NFIB: variants seen among roughly 807,000 people sequenced by gnomAD.
NFIB encodes nuclear factor I B.
Under a neutral mutation model 61.5 loss-of-function variants are expected in NFIB, and 11 were observed. The observed-to-expected ratio is 0.18, with a 90% CI of 0.11 to 0.30. NFIB has a LOEUF of 0.30. Among genes scored for constraint, NFIB ranks in the 10% least tolerant of loss-of-function variants. The probability of loss-of-function intolerance (pLI) is 1.00; values close to 1 mark genes in which losing one functional copy is unlikely to be tolerated. For missense variants in NFIB, 471 were observed against 608.9 expected, an observed-to-expected ratio of 0.77 and a Z score of 2.38; for synonymous variants, 260 against 216.5, an observed-to-expected ratio of 1.20 and a Z score of -1.76.
chr9:14,108,560 G>A (rs2036898085), intron 10 of NFIB, among the ~76,000 whole-genome samples: 1 of 151,996 alleles, frequency 6.6e-6, no homozygotes, highest in Admixed American at 6.6e-5. Context: ...ACCAGTAATT[G>A]AAATTCAAAT....
intron 2 of NFIB, among the ~76,000 whole-genome samples, chr9:14,304,920 G>A (rs2059939153): frequency 6.6e-6 from 1 of 152,168 alleles, no homozygotes; most frequent in Admixed American, 6.5e-5. Flanking sequence ...GTTTTTCAAA[G>A]GAAGAACCAA....
At chr9:14,152,135 A>G (rs111797606) in intron 4 of NFIB, among the ~76,000 whole-genome samples, 3,558 of 150,154 alleles carry the variant, frequency 0.024, 90 homozygotes, top group African/African-American at 0.069. Context: ...TTTCTGGACT[A>G]AAAATTAAAT....
At chr9:14,295,536 CAGG>C (rs1204502028) in intron 2 of NFIB, among the ~76,000 whole-genome samples, 1 of 152,112 alleles carries the variant, frequency 6.6e-6, no homozygotes, top group Non-Finnish European at 1.5e-5. Context: ...CAAGCTGAGG[CAGG>C]AGAATGGCGT....
chr9:14,520,433 C>T, the NFIB span, among the ~76,000 whole-genome samples: 7 of 152,346 alleles, frequency 4.6e-5, no homozygotes, highest in Admixed American at 3.9e-4. Flanking sequence ...CCAACCTGTC[C>T]TTCTTCCAAG....
At chr9:14,305,093 T>C (rs1306921044) in intron 2 of NFIB, among the ~76,000 whole-genome samples, 3 of 152,242 alleles carry the variant, frequency 2.0e-5, no homozygotes, top group East Asian at 3.8e-4. Flanking sequence ...TAAAACTTTA[T>C]AGTTATCATG....
intron 2 of NFIB, among the ~76,000 whole-genome samples, chr9:14,223,365 T>C (rs1489827877): frequency 6.6e-6 from 1 of 152,234 alleles, no homozygotes; most frequent in African/African-American, 2.4e-5. Flanking sequence ...TTCAGACTCA[T>C]GATACTAATA....
chr9:14,477,752 A>G, the NFIB span, among the ~76,000 whole-genome samples: 4 of 152,246 alleles, frequency 2.6e-5, 1 homozygote, highest in South Asian at 4.1e-4. Flanking sequence ...TGGAAAGTGG[A>G]GAACGTATTC....
rs57822195 is a variant in NFIB at position 14,175,951 on chromosome 9, C to T, written c.616+3776G>A. Among the ~76,000 whole-genome samples, 128 of 152,250 alleles carry T rather than the reference C, an allele frequency of 8.4e-4. 2 individuals carry two copies. Among genetic ancestry groups the T allele is most frequent in the Admixed American group, 1.6e-3 (25 of 15,296 alleles). ...TCTGAATTCTAGATTGCTATGTTTT[C>T]CTTGGATTTTACCCATTCTAGGATT... On this transcript the variant is annotated intron_variant, in intron 3 of 10. Coordinates refer to ENST00000380953, the MANE Select transcript of NFIB (RefSeq NM_001190737.2).
chr9:14,423,594 A>G, the NFIB span, among the ~76,000 whole-genome samples: 3 of 152,140 alleles, frequency 2.0e-5, no homozygotes, highest in Non-Finnish European at 4.4e-5. Flanking sequence ...TTCTCCTGCC[A>G]TTTCCTCTCA....
At chr9:14,481,197 G>GTATATATATATATGTATA in the NFIB span, among the ~76,000 whole-genome samples, 2 of 45,826 alleles carry the variant, frequency 4.4e-5, no homozygotes, top group Non-Finnish European at 7.9e-5. Context: ...GTGTGTGTGT[G>GTATATATATATATGTATA]TATATATATA....
At chr9:14,174,639 C>T (rs763856392) in intron 3 of NFIB, among the ~76,000 whole-genome samples, 4 of 151,580 alleles carry the variant, frequency 2.6e-5, no homozygotes, top group African/African-American at 7.3e-5. Flanking sequence ...CGGTAGCAGG[C>T]GCCTGTAATC....
chr9:14,429,974 C>G, the NFIB span, among the ~76,000 whole-genome samples: 1 of 152,134 alleles, frequency 6.6e-6, no homozygotes, highest in African/African-American at 2.4e-5. Flanking sequence ...CAATTTATGA[C>G]TTAATCAGAA....
At chr9:14,206,623 G>A (rs1185845591) in intron 2 of NFIB, among the ~76,000 whole-genome samples, 1 of 134,960 alleles carries the variant, frequency 7.4e-6, no homozygotes, top group South Asian at 2.3e-4. Flanking sequence ...AATGTTGATT[G>A]ACCATCTAGT....
intron 2 of NFIB, among the ~76,000 whole-genome samples, chr9:14,182,022 T>C (rs1431282815): frequency 6.6e-6 from 1 of 152,198 alleles, no homozygotes; most frequent in Admixed American, 6.5e-5. Context: ...GAATGAAAAG[T>C]CTCTTCCATT....
chr9:14,525,393 T>C, the NFIB span, among the ~76,000 whole-genome samples: 1 of 152,212 alleles, frequency 6.6e-6, no homozygotes, highest in Non-Finnish European at 1.5e-5. Flanking sequence ...CTTCTCCCCT[T>C]ATCAGTGGAG....
chr9:14,137,104 G>A (rs551379204), intron 6 of NFIB, among the ~76,000 whole-genome samples: 188 of 152,254 alleles, frequency 1.2e-3, no homozygotes, highest in Non-Finnish European at 2.0e-3. Flanking sequence ...CAATGAAACC[G>A]AATATTGTCA....
chr9:14,253,231 A>G (rs1229326805), intron 2 of NFIB, among the ~76,000 whole-genome samples: 3 of 152,204 alleles, frequency 2.0e-5, no homozygotes, highest in Non-Finnish European at 4.4e-5. Flanking sequence ...TCCTTCTCAG[A>G]TGCATCATAT....
At chr9:14,118,751 T>C (rs1270126742) in intron 8 of NFIB, among the ~76,000 whole-genome samples, 1 of 150,716 alleles carries the variant, frequency 6.6e-6, no homozygotes, top group Non-Finnish European at 1.5e-5. Context: ...GTTTTTTTGT[T>C]GCTAGTTTTT....
intron 1 of NFIB, among the ~76,000 whole-genome samples, chr9:14,359,264 G>A (rs913282142): frequency 1.3e-5 from 2 of 152,204 alleles, no homozygotes; most frequent in East Asian, 1.9e-4. Context: ...GCCTTTGCAC[G>A]TGTGACTAGG....
Sources: gnomAD v4.1 joint callset for allele counts (sites outside exome capture counted in the v4.1 genomes callset) on GRCh38, gnomAD v4.1.1 for gene constraint, MANE v1.5 for transcripts, NCBI Gene and HGNC (gene_info 2026-07-23, HGNC 2026-07-21) for gene names.